Variants in QRICH1 observed in about 807,000 individuals in gnomAD.
QRICH1 encodes glutamine rich 1.
In QRICH1, 16 loss-of-function variants were observed where a neutral mutation model predicts 87.1. The ratio of observed to expected loss-of-function variants is 0.18; its 90% CI spans 0.12 to 0.28. The LOEUF is 0.28. QRICH1 is among the 10% of genes least tolerant of loss of function. QRICH1 has a pLI of 1.00. For missense variants in QRICH1, 647 were observed against 951.7 expected (o/e 0.68, Z 4.21); for synonymous variants, 367 against 368.4 (o/e 1.00, Z 0.05).
chr3:49,041,985 C>G (rs1023816036), intron 6 of QRICH1, among the ~76,000 whole-genome samples: 4 of 150,380 alleles, frequency 2.7e-5, no homozygotes, highest in African/African-American at 9.8e-5. Context: ...GTTGGCCAGG[C>G]TGGTGTCGGA....
chr3:49,080,307 A>C (rs1056990936), intron 1 of QRICH1, among the ~76,000 whole-genome samples: 1 of 152,094 alleles, frequency 6.6e-6, no homozygotes, highest in African/African-American at 2.4e-5. Context: ...GACTGATTAA[A>C]TTTTCAAAGC....
Position 49,060,296 on chromosome 3 carries a change from C to A in QRICH1, c.310-2406G>T, listed in dbSNP as rs574910449. ...GCAAGCTCCGCCTCCCAGGTTCATG[C>A]CATTCTCCTGCCTCAGCCTCCCAAG... On this transcript the variant is annotated intron_variant, in intron 2 of 9. Transcript: ENST00000395443. Among the ~76,000 whole-genome samples, 187 of 152,194 alleles carry A rather than the reference C, an allele frequency of 1.2e-3. 4 individuals are homozygous for A. The Middle Eastern group carries it at 0.024, about 19-fold the overall frequency.
In QRICH1 at chr3:49,056,839, CCTA is replaced by C; in HGVS notation, c.1338+20_1338+22del. On this transcript the variant is annotated intron_variant, in intron 3 of 9. Transcript: ENST00000395443. Reference sequence around the variant, plus strand: ...GGCCCTGAGGGACCAGGCTGCCTGCCCTACTGATAAGTCTTCACTTACTGAACA... The same window carrying C: ...GGCCCTGAGGGACCAGGCTGCCTGCCCTGATAAGTCTTCACTTACTGAACA... 3.7e-6 allele frequency: 6 copies of C among 1,614,148 alleles called. No individual in the cohort carries two copies. The highest frequency in any genetic ancestry group is 5.1e-6 in the Non-Finnish European group (6 of 1,180,034).
chr3:49,039,546 C>T (rs1196284755), intron 6 of QRICH1, among the ~76,000 whole-genome samples: 1 of 147,220 alleles, frequency 6.8e-6, no homozygotes, highest in East Asian at 2.0e-4. Context: ...ATTTCTTGAA[C>T]CCAGGAGGTG....
chr3:49,055,998 A>G (rs968717277), intron 3 of QRICH1, among the ~76,000 whole-genome samples: 1 of 150,828 alleles, frequency 6.6e-6, no homozygotes, highest in African/African-American at 2.4e-5. Flanking sequence ...TTCTTTTGAC[A>G]GAGTTTTGCT....
chr3:49,055,850 T>C (rs2093398988), intron 3 of QRICH1, among the ~76,000 whole-genome samples: 6 of 152,114 alleles, frequency 3.9e-5, no homozygotes, highest in Admixed American at 3.3e-4. Flanking sequence ...GGCTAATTTT[T>C]GTATTTTTAG....
At chr3:49,046,726 C>A in intron 4 of QRICH1, 147 bp from the exon 5 acceptor site, 1 of 924,062 alleles carries the variant, frequency 1.1e-6, no homozygotes, top group Non-Finnish European at 1.6e-6. Flanking sequence ...CAGAACTGGC[C>A]TATAACATGA....
intron 3 of QRICH1, among the ~76,000 whole-genome samples, chr3:49,050,694 AAACAAC>A (rs138950270): frequency 2.3e-4 from 34 of 150,540 alleles, no homozygotes; most frequent in East Asian, 5.9e-4. Flanking sequence ...GGATCACAAA[AAACAAC>A]AACAACAACA....
At chr3:49,039,640 A>G in intron 6 of QRICH1, among the ~76,000 whole-genome samples, 1 of 151,658 alleles carries the variant, frequency 6.6e-6, no homozygotes, top group South Asian at 2.1e-4. Context: ...AAAAAAAAAA[A>G]AAAGTATGGA....
At chr3:49,040,584 C>A (rs1172222990) in intron 6 of QRICH1, among the ~76,000 whole-genome samples, 3 of 152,240 alleles carry the variant, frequency 2.0e-5, no homozygotes, top group South Asian at 2.1e-4. Context: ...CTGCTGGGCA[C>A]ATAGTAGGCA....
rs569545608 is a variant in QRICH1 at position 49,082,762 on chromosome 3, G to A, written c.-21-5724C>T. ...TACAAAAAATTACCCTGGCGTGGTG[G>A]CAGGCGCCTGTAGTCCCAGCTACTC... On this transcript the variant is annotated intron_variant, in intron 1 of 9. Transcript: ENST00000395443. Among the ~76,000 whole-genome samples the A allele has an allele frequency of 4.2e-4, 64 of 152,000 alleles. 1 individual carries two copies. The highest frequency in any genetic ancestry group is 6.8e-3 in the Middle Eastern group (2 of 294).
At chr3:49,086,227 G>A (rs1177391889) in intron 1 of QRICH1, among the ~76,000 whole-genome samples, 1 of 150,002 alleles carries the variant, frequency 6.7e-6, no homozygotes, top group East Asian at 1.9e-4. Flanking sequence ...ATTGTTCACT[G>A]GTATCTCCTC....
chr3:49,078,185 A>T (rs1221861522), intron 1 of QRICH1, among the ~76,000 whole-genome samples: 4 of 152,144 alleles, frequency 2.6e-5, no homozygotes, highest in African/African-American at 9.7e-5. Flanking sequence ...CAGGATAGAT[A>T]CACTAGACTG....
At chr3:49,088,688 C>G (rs1424888777) in intron 1 of QRICH1, among the ~76,000 whole-genome samples, 4 of 147,454 alleles carry the variant, frequency 2.7e-5, no homozygotes, top group African/African-American at 1.0e-4. Flanking sequence ...TGCAGTGGTG[C>G]ATTCATAGAT....
intron 2 of QRICH1, among the ~76,000 whole-genome samples, chr3:49,060,280 G>A (rs865831778): frequency 2.0e-5 from 3 of 151,776 alleles, no homozygotes; most frequent in Non-Finnish European, 2.9e-5. Context: ...TGCAAGCTCC[G>A]CCTCCCAGGT....
In QRICH1 at chr3:49,056,906, G is replaced by A. The variant is rs141608827; in HGVS notation, c.1294C>T (p.Pro432Ser). Reference sequence around the variant, plus strand: ...TGCTGCTGCTGCTGCTGTGGTGGTGGTGTCTGTTCCTGGGGAGTTTGCTGC... The same window carrying A: ...TGCTGCTGCTGCTGCTGTGGTGGTGATGTCTGTTCCTGGGGAGTTTGCTGC... The part of the protein sequence containing the change: ...PQQQTPQEQT[P>S]PPQQQQQQLQ... The change falls in exon 3 of 10, where the codon CCA becomes TCA. Residue 432 changes from proline (P) to serine (S), a missense_variant. Transcript: ENST00000395443. 1 of 1,614,074 alleles carries A rather than the reference G, an allele frequency of 6.2e-7. No individual in the cohort carries two copies. The highest frequency in any genetic ancestry group is 8.5e-7 in the Non-Finnish European group (1 of 1,179,958).
intron 3 of QRICH1, among the ~76,000 whole-genome samples, chr3:49,056,597 G>T (rs1293069954): frequency 6.6e-6 from 1 of 152,208 alleles, no homozygotes; most frequent in Non-Finnish European, 1.5e-5. Context: ...TTACAAAGAA[G>T]TGTCCATGGT....
At chr3:49,082,665 G>T (rs1379723571) in intron 1 of QRICH1, among the ~76,000 whole-genome samples, 3 of 152,050 alleles carry the variant, frequency 2.0e-5, no homozygotes, top group African/African-American at 7.2e-5. Flanking sequence ...GGAGGCTGAG[G>T]TGGGTGGATC....
At chr3:49,069,033 T>C (rs1158691799) in intron 2 of QRICH1, among the ~76,000 whole-genome samples, 1 of 151,740 alleles carries the variant, frequency 6.6e-6, no homozygotes, top group African/African-American at 2.4e-5. Flanking sequence ...AAATTTGTGA[T>C]AAGACTTTTA....
Sources: gnomAD v4.1 joint callset for allele counts (sites outside exome capture counted in the v4.1 genomes callset) on GRCh38, gnomAD v4.1.1 for gene constraint, MANE v1.5 for transcripts, NCBI Gene and HGNC (gene_info 2026-07-23, HGNC 2026-07-21) for gene names.